The following FILIP1L variants were observed in gnomAD, a reference collection of about 807,000 sequenced individuals.
The protein encoded by FILIP1L is filamin A interacting protein 1 like.
Under a neutral mutation model 96.6 loss-of-function variants are expected in FILIP1L, and 55 were observed. The ratio of observed to expected loss-of-function variants is 0.57; its 90% CI spans 0.46 to 0.71. The LOEUF (loss-of-function observed/expected upper bound fraction) is 0.71. FILIP1L is among the 30% of genes least tolerant of loss of function. The pLI, the probability that FILIP1L is intolerant of heterozygous loss-of-function variation, is 0.00. For missense variants in FILIP1L, 1,304 were observed against 1,321.2 expected, an observed-to-expected ratio of 0.99 and a Z score of 0.20; for synonymous variants, 467 against 473.9, an observed-to-expected ratio of 0.99 and a Z score of 0.19.
intron 4 of FILIP1L, among the ~76,000 whole-genome samples, chr3:99,894,966 G>T (rs932938312): frequency 2.6e-5 from 4 of 152,290 alleles, no homozygotes; most frequent in Admixed American, 2.6e-4. Flanking sequence ...TAACAAATGT[G>T]TTCCAGGTTC....
intron 1 of FILIP1L, among the ~76,000 whole-genome samples, chr3:100,097,380 A>G (rs1004990626): frequency 6.6e-6 from 1 of 152,220 alleles, no homozygotes; most frequent in East Asian, 1.9e-4. Context: ...CATGGATTAT[A>G]TGCAAATACT....
chr3:100,071,597 T>G (rs2065764914), intron 1 of FILIP1L, among the ~76,000 whole-genome samples: 1 of 152,210 alleles, frequency 6.6e-6, no homozygotes, highest in African/African-American at 2.4e-5. Flanking sequence ...AGCCCCATTT[T>G]TGATGTCCTC....
At chr3:99,842,153 A>G (rs1027315156) in intron 5 of FILIP1L, among the ~76,000 whole-genome samples, 37 of 152,244 alleles carry the variant, frequency 2.4e-4, no homozygotes, top group African/African-American at 8.2e-4. Flanking sequence ...CTACTCGGCC[A>G]TGAAAAGGAA....
chr3:99,833,095 A>T (rs527916055), intron 5 of FILIP1L: 3 of 720,710 alleles, frequency 4.2e-6, no homozygotes, highest in Non-Finnish European at 7.2e-6. Flanking sequence ...GGGTTTCATC[A>T]AAGAGCAGAT....
chr3:100,052,353 C>G (rs2065388457), intron 1 of FILIP1L, among the ~76,000 whole-genome samples: 2 of 152,222 alleles, frequency 1.3e-5, no homozygotes, highest in Non-Finnish European at 1.5e-5. Context: ...ATTCACTTCT[C>G]TGCACCAAAA....
At chr3:99,988,866 T>G (rs1185279419) in intron 1 of FILIP1L, among the ~76,000 whole-genome samples, 2 of 152,242 alleles carry the variant, frequency 1.3e-5, no homozygotes, top group Non-Finnish European at 2.9e-5. Flanking sequence ...TTCATTCTCC[T>G]GGCTTCTGCC....
Position 99,851,077 on chromosome 3 carries a change from A to T in FILIP1L, c.606-7T>A. 6.4e-7 allele frequency: 1 copy of T among 1,564,320 alleles called. No homozygotes were observed. The highest frequency in any genetic ancestry group is 8.6e-7 in the Non-Finnish European group (1 of 1,163,216). On this transcript the variant is annotated splice_region_variant and splice_polypyrimidine_tract_variant and intron_variant, in intron 4 of 5. Transcript: ENST00000477258. ...ATCAATTAGCTTCTTTAATCTGAAA[A>T]ATGTAAAGTGCATTTTATTTTGTGA...
At chr3:99,914,852 A>G (rs1048209262) in intron 4 of FILIP1L, among the ~76,000 whole-genome samples, 1 of 152,222 alleles carries the variant, frequency 6.6e-6, no homozygotes, top group African/African-American at 2.4e-5. Context: ...GTTGTGATGC[A>G]CCTGTGTGAT....
At chr3:100,030,926 T>C (rs944113982) in intron 1 of FILIP1L, among the ~76,000 whole-genome samples, 1 of 152,200 alleles carries the variant, frequency 6.6e-6, no homozygotes, top group Non-Finnish European at 1.5e-5. Context: ...ATGAAAAATA[T>C]ATAGATTTGC....
intron 1 of FILIP1L, among the ~76,000 whole-genome samples, chr3:99,967,448 T>C (rs1489468095): frequency 6.6e-6 from 1 of 152,222 alleles, no homozygotes; most frequent in Non-Finnish European, 1.5e-5. Flanking sequence ...CTGAATTTAA[T>C]GCATTGCAGG....
intron 1 of FILIP1L, among the ~76,000 whole-genome samples, chr3:100,025,932 G>T (rs764879950): frequency 1.5e-4 from 23 of 152,126 alleles, no homozygotes; most frequent in Non-Finnish European, 2.2e-4. Flanking sequence ...GAGCTCCCTT[G>T]TTTGGAAAGC....
At chr3:99,979,293 C>G (rs928146051) in intron 1 of FILIP1L, among the ~76,000 whole-genome samples, 6 of 152,120 alleles carry the variant, frequency 3.9e-5, no homozygotes, top group Non-Finnish European at 8.8e-5. Context: ...TTATTATGTT[C>G]TCTCTTTATG....
intron 1 of FILIP1L, among the ~76,000 whole-genome samples, chr3:100,068,291 A>C (rs2065700439): frequency 6.6e-6 from 1 of 152,160 alleles, no homozygotes; most frequent in African/African-American, 2.4e-5. Flanking sequence ...CAATTTTGCC[A>C]TGTTATTATA....
intron 1 of FILIP1L, among the ~76,000 whole-genome samples, chr3:99,966,142 A>AC (rs1163435338): frequency 2.6e-5 from 4 of 152,220 alleles, no homozygotes; most frequent in Admixed American, 2.0e-4. Flanking sequence ...AAGGTAAATA[A>AC]AATGTTCACA....
intron 1 of FILIP1L, among the ~76,000 whole-genome samples, chr3:100,093,210 T>C (rs2066143499): frequency 6.6e-6 from 1 of 152,140 alleles, no homozygotes; most frequent in Admixed American, 6.5e-5. Context: ...TTACCAGATA[T>C]ACTGAGTTGA....
intron 4 of FILIP1L, among the ~76,000 whole-genome samples, chr3:99,895,048 A>G (rs1386557988): frequency 6.6e-6 from 1 of 152,178 alleles, no homozygotes; most frequent in Non-Finnish European, 1.5e-5. Flanking sequence ...CCTGAAGAAA[A>G]GTAGCTCTGG....
At chr3:99,976,761 G>T (rs987023927) in intron 1 of FILIP1L, among the ~76,000 whole-genome samples, 2 of 151,974 alleles carry the variant, frequency 1.3e-5, no homozygotes, top group Non-Finnish European at 2.9e-5. Context: ...GAGTTCTTCA[G>T]GTTTCTTGGA....
At chr3:100,076,097 G>A (rs888141937) in intron 1 of FILIP1L, among the ~76,000 whole-genome samples, 1 of 152,038 alleles carries the variant, frequency 6.6e-6, no homozygotes, top group African/African-American at 2.4e-5. Context: ...GAAACTCACT[G>A]TTTCATCTGC....
At position 99,831,505 on chromosome 3, in the gene FILIP1L, C is replaced by G. The variant is rs562232699; in HGVS notation, c.3382-900G>C. 4.6e-5 allele frequency among the ~76,000 whole-genome samples: 7 copies of G among 152,264 alleles called. No individual in the cohort carries two copies. In the South Asian group the frequency reaches 1.4e-3, roughly 32 times the overall value. On this transcript the variant is annotated intron_variant, in intron 5 of 5. Transcript: ENST00000477258. ...AAAAGGAAGGAAACAACTTGGAGATCAGGACATTTCTGTGAACAACCATAT... is the reference window on the plus strand; with the variant it reads ...AAAAGGAAGGAAACAACTTGGAGATGAGGACATTTCTGTGAACAACCATAT...
Sources: gnomAD v4.1 joint callset for allele counts (sites outside exome capture counted in the v4.1 genomes callset) on GRCh38, gnomAD v4.1.1 for gene constraint, MANE v1.5 for transcripts, NCBI Gene and HGNC (gene_info 2026-07-23, HGNC 2026-07-21) for gene names.